NOX5: variants seen among roughly 807,000 people sequenced by gnomAD.
NOX5 encodes the protein NADPH oxidase 5.
Under a neutral mutation model 85.7 loss-of-function variants are expected in NOX5, and 76 were observed. The ratio of observed to expected loss-of-function variants is 0.89; its 90% confidence interval spans 0.74 to 1.07. The LOEUF (loss-of-function observed/expected upper bound fraction) is 1.07, where lower values mean the gene tolerates loss of function less well. Among genes scored for constraint, NOX5 ranks in the 50% least tolerant of loss-of-function variants. NOX5 has a pLI of 0.00. For synonymous variants in NOX5, 405 were observed against 401.4 expected (o/e 1.01, Z -0.11); for missense variants, 973 against 999.5 (o/e 0.97, Z 0.36).
At position 69,038,957 on chromosome 15, in the gene NOX5, C is replaced by T. The variant is rs1017822533; in HGVS notation, c.1472C>T (p.Pro491Leu). 1.2e-6 allele frequency: 2 copies of T among 1,614,142 alleles called. No individual in the cohort carries two copies. Among genetic ancestry groups the T allele is most frequent in the African/African-American group, 1.3e-5 (1 of 75,020 alleles). Reference protein sequence around the residue: ...IPTIARYEWHPFTISSAPEQK... With the variant: ...IPTIARYEWHLFTISSAPEQK... ...ACCATTGCTCGCTATGAGTGGCACC[C>T]CTTCACCATCAGCAGTGCTCCTGAG... Residue 491 changes from proline to leucine, a missense_variant, in exon 9 of 16, where the codon CCC (proline) becomes CTC (leucine). Transcript: ENST00000388866.
rs903273647 is a variant in NOX5, at chr15:69,061,646, A to T, written c.*4950A>T. On this transcript the variant is annotated 3_prime_UTR_variant, in exon 16 of 16. Coordinates refer to ENST00000388866, the MANE Select transcript of NOX5 (RefSeq NM_024505.4). ...ATTCATCCCAGGGGGAAAAATACTC[A>T]ACCTGAATGGCAGAAATGGCTGGAA... 1 of 152,226 alleles carries T rather than the reference A, an allele frequency of 6.6e-6. No individual in the cohort carries two copies. The highest frequency in any genetic ancestry group is 1.5e-5 in the Non-Finnish European group (1 of 68,040). 9.4% of individuals were successfully genotyped at this position (152,226 alleles called of 1,614,324 possible). A position where few individuals can be genotyped will look rare whatever the true frequency, so the allele number is the denominator to read the frequency against.
Position 69,040,197 on chromosome 15 carries a change from A to G in NOX5, c.1504+1208A>G, listed in dbSNP as rs1020277635. Among the ~76,000 whole-genome samples the G allele has an allele frequency of 4.6e-5, 7 of 152,364 alleles. No homozygotes were observed. In the East Asian group the frequency reaches 1.2e-3, roughly 25 times the overall value. On this transcript the variant is annotated intron_variant, in intron 9 of 15. Coordinates refer to ENST00000388866, the MANE Select transcript of NOX5 (RefSeq NM_024505.4). The stretch of plus-strand genomic sequence containing the variant: ...TGGAATCACCTGAATTGTGCCCTCA[A>G]TGTACCACGGAACAAAGTTAGAGGT...
At position 69,055,435 on chromosome 15, in the gene NOX5, G is replaced by A. The variant is rs2050799753; in HGVS notation, c.2101G>A (p.Glu701Lys). The A allele has an allele frequency of 6.2e-7, 1 of 1,614,194 alleles. No homozygotes were observed. Among genetic ancestry groups the A allele is most frequent in the Non-Finnish European group, 8.5e-7 (1 of 1,180,038 alleles). Residue 701 changes from glutamate to lysine, a missense_variant, in exon 15 of 16, where the codon GAG becomes AAG. Physicochemically the swap from Glu to Lys is moderately conservative, Grantham distance 56. Transcript: ENST00000388866. The stretch of plus-strand genomic sequence containing the variant: ...GGCCCTTGACCTCCTGGCCAACAAG[G>A]AGAAGAAAGACTCCATCACGGGGCT... ...QMALDLLANK[E>K]KKDSITGLQT...
At position 69,046,882 on chromosome 15, in the gene NOX5, G is replaced by C. The variant is rs760483006; in HGVS notation, c.1692+16G>C. 81 of 1,613,150 alleles carry C rather than the reference G, an allele frequency of 5.0e-5. No homozygotes were observed. Among genetic ancestry groups the C allele is most frequent in the Non-Finnish European group, 6.7e-5 (79 of 1,179,366 alleles). Reference sequence around the variant, plus strand: ...TAACATCAAGGTGAGAGGCTGCAGGGGTGGACGTGAGCAATAATGCCTGCC... The same window carrying C: ...TAACATCAAGGTGAGAGGCTGCAGGCGTGGACGTGAGCAATAATGCCTGCC... On this transcript the variant is annotated intron_variant, in intron 11 of 15. Transcript: ENST00000388866.
At chr15:69,049,277 C>T (rs1380922114) in intron 14 of NOX5, among the ~76,000 whole-genome samples, 1 of 151,762 alleles carries the variant, frequency 6.6e-6, no homozygotes, top group Non-Finnish European at 1.5e-5. Flanking sequence ...CTGCAGCCTC[C>T]ACCTCCCAGG....
intron 10 of NOX5, among the ~76,000 whole-genome samples, chr15:69,046,521 A>G (rs187199243): frequency 6.6e-6 from 1 of 152,240 alleles, no homozygotes; most frequent in Admixed American, 6.5e-5. Flanking sequence ...AATTTTCAGG[A>G]ATTTCATGAG....
chr15:69,018,938 C>T (rs1047648744), intron 1 of NOX5, among the ~76,000 whole-genome samples: 2 of 152,174 alleles, frequency 1.3e-5, no homozygotes, highest in African/African-American at 4.8e-5. Context: ...TTAAAGTTCA[C>T]TTTAGCTTCG....
intron 8 of NOX5, 46 bp from the exon 9 acceptor site, chr15:69,038,811 G>A: frequency 6.2e-7 from 1 of 1,613,946 alleles, no homozygotes; most frequent in East Asian, 2.2e-5. Flanking sequence ...GCCCCTGGTG[G>A]CTTTGGGCCT....
At chr15:69,055,103 G>A (rs539128538) in intron 14 of NOX5, among the ~76,000 whole-genome samples, 63 of 152,302 alleles carry the variant, frequency 4.1e-4, no homozygotes, top group African/African-American at 1.5e-3. Context: ...GAGTGGTTGT[G>A]AGGTTCACCT....
intron 1 of NOX5, among the ~76,000 whole-genome samples, chr15:69,015,607 A>T (rs2050221808): frequency 6.6e-6 from 1 of 152,110 alleles, no homozygotes; most frequent in East Asian, 1.9e-4. Flanking sequence ...AAATGTGCAG[A>T]TTCCTGCCTC....
At chr15:69,040,661 C>T (rs2050581716) in intron 9 of NOX5, among the ~76,000 whole-genome samples, 1 of 151,826 alleles carries the variant, frequency 6.6e-6, no homozygotes, top group Non-Finnish European at 1.5e-5. Context: ...AATTCTTTTT[C>T]TCCCCTAACT....
chr15:69,034,734 A>G (rs1235366917), intron 5 of NOX5, among the ~76,000 whole-genome samples: 1 of 152,162 alleles, frequency 6.6e-6, no homozygotes, highest in East Asian at 1.9e-4. Flanking sequence ...CCAAGTCAAC[A>G]GAGATATTTT....
At chr15:69,021,784 A>G (rs2050298179) in intron 1 of NOX5, among the ~76,000 whole-genome samples, 2 of 152,078 alleles carry the variant, frequency 1.3e-5, no homozygotes, top group Non-Finnish European at 2.9e-5. Context: ...GTATTAATGT[A>G]TATTTGGGGG....
chr15:69,014,777 C>T lies in NOX5; in HGVS notation c.42C>T (p.Gly14=). 2 of 1,549,174 alleles carry T rather than the reference C, an allele frequency of 1.3e-6. No homozygotes were observed. The highest frequency in any genetic ancestry group is 1.7e-6 in the Non-Finnish European group (2 of 1,145,706). ...SGDPAQTGPE[G]CRGTMSAEED... ...ACCCAGCCCAGACGGGCCCTGAAGG[C>T]TGTAGAGGGTGAGTGGCTCATTTGT... Residue 14 remains glycine, a synonymous_variant, in exon 1 of 16, where the codon GGC becomes GGT. Transcript: ENST00000388866.
chr15:69,042,572 C>G, intron 9 of NOX5, 91 bp from the exon 10 acceptor site: 7 of 1,412,772 alleles, frequency 5.0e-6, no homozygotes, highest in Non-Finnish European at 6.7e-6. Flanking sequence ...AGGGCTGAGG[C>G]CCAGCAGCAA....
intron 4 of NOX5, 138 bp downstream of exon 4, chr15:69,031,950 A>G (rs2050440883): frequency 1.2e-6 from 1 of 827,108 alleles, no homozygotes; most frequent in Non-Finnish European, 1.8e-6. Flanking sequence ...CCCACTCTTG[A>G]GTGTACTGCA....
intron 15 of NOX5, 112 bp from the exon 16 acceptor site, chr15:69,056,453 A>G: frequency 1.5e-6 from 2 of 1,367,316 alleles, no homozygotes; most frequent in Non-Finnish European, 2.0e-6. Context: ...TAAAATGGGA[A>G]TGCTCATTGC....
intron 1 of NOX5, chr15:69,022,190 TGA>T: frequency 5.8e-6 from 1 of 171,314 alleles, no homozygotes; most frequent in East Asian, 1.5e-4. Context: ...CCATTTGCGC[TGA>T]GAGTGTGTGT....
At chr15:69,026,160 G>A (rs1414939326) in intron 1 of NOX5, among the ~76,000 whole-genome samples, 5 of 152,228 alleles carry the variant, frequency 3.3e-5, no homozygotes, top group Non-Finnish European at 5.9e-5. Flanking sequence ...TTGGAAAGCA[G>A]TAAAGATCTG....
Sources: allele counts gnomAD v4.1 joint callset (sites outside exome capture counted in the v4.1 genomes callset), GRCh38; gene constraint gnomAD v4.1.1; transcripts MANE v1.5; gene names NCBI Gene and HGNC (gene_info 2026-07-23, HGNC 2026-07-21).